Variants in UNC13C observed in about 807,000 individuals in gnomAD.
UNC13C encodes unc-13 homolog C.
UNC13C carries 174 observed loss-of-function variants against 245.4 expected under a neutral mutation model. The ratio of observed to expected loss-of-function variants is 0.71; its 90% CI spans 0.63 to 0.80. The LOEUF (loss-of-function observed/expected upper bound fraction) is 0.80, where lower values mean the gene tolerates loss of function less well. UNC13C is among the 30% of genes least tolerant of loss of function. The pLI, the probability that UNC13C is intolerant of heterozygous loss-of-function variation, is 0.00. For missense variants in UNC13C, 2,829 were observed against 2,602.9 expected (o/e 1.09, Z -1.89); for synonymous variants, 992 against 895.1 (o/e 1.11, Z -1.93).
chr15:54,372,774 C>A (rs955321466), intron 17 of UNC13C, among the ~76,000 whole-genome samples: 1 of 152,174 alleles, frequency 6.6e-6, no homozygotes, highest in Non-Finnish European at 1.5e-5. Context: ...CCTAAGAATG[C>A]TCTAAAGCAG....
At chr15:54,365,618 T>C (rs1031335060) in intron 17 of UNC13C, among the ~76,000 whole-genome samples, 1 of 152,136 alleles carries the variant, frequency 6.6e-6, no homozygotes, top group Non-Finnish European at 1.5e-5. Flanking sequence ...AAGACCATGT[T>C]GATTTATGAT....
intron 9 of UNC13C, among the ~76,000 whole-genome samples, chr15:54,264,968 A>G (rs1320793965): frequency 6.6e-6 from 1 of 152,004 alleles, no homozygotes; most frequent in African/African-American, 2.4e-5. Context: ...GAGTTGATCA[A>G]TATTGACGGC....
chr15:54,598,400 G>T (rs756407764), intron 30 of UNC13C, among the ~76,000 whole-genome samples: 2 of 152,122 alleles, frequency 1.3e-5, no homozygotes, highest in African/African-American at 2.4e-5. Context: ...CAGCCTGAAG[G>T]TCCTTTTTTT....
intron 2 of UNC13C, among the ~76,000 whole-genome samples, chr15:54,124,092 T>C (rs1322344565): frequency 1.3e-5 from 2 of 152,214 alleles, no homozygotes; most frequent in African/African-American, 4.8e-5. Flanking sequence ...TGTTTAACTA[T>C]TGATCTGTTA....
chr15:54,433,816 AT>A (rs2040922710), intron 19 of UNC13C, among the ~76,000 whole-genome samples: 2 of 152,222 alleles, frequency 1.3e-5, no homozygotes, highest in East Asian at 3.9e-4. Flanking sequence ...AGATGACATG[AT>A]TGTATATTTA....
rs771538861 is a variant in UNC13C at position 54,118,109 on chromosome 15, GA to G, written c.2984-24899del. Among the ~76,000 whole-genome samples, 1,306 of 147,274 alleles carry G rather than the reference GA, an allele frequency of 8.9e-3. 22 individuals are homozygous for G. The highest frequency in any genetic ancestry group is 0.03 in the African/African-American group (1,229 of 40,384). On this transcript the variant is annotated intron_variant, in intron 2 of 32. Coordinates refer to ENST00000260323, the MANE Select transcript of UNC13C (RefSeq NM_001080534.3). ...TGCTTCAGCTTTTTCTTTATTTTCA[GA>G]AAAAAAAAAGATTGCTTTGGCCTTT...
intron 2 of UNC13C, chr15:54,048,717 G>T: frequency 3.5e-6 from 1 of 284,996 alleles, no homozygotes; most frequent in East Asian, 9.0e-5. Flanking sequence ...TTCCCATTTT[G>T]AACTGCCTCC....
At chr15:54,072,650 TA>T (rs1375464238) in intron 2 of UNC13C, among the ~76,000 whole-genome samples, 1 of 152,156 alleles carries the variant, frequency 6.6e-6, no homozygotes, top group Non-Finnish European at 1.5e-5. Flanking sequence ...CAGTATAAGG[TA>T]GGCAGAGATA....
At chr15:54,301,869 G>C (rs564288269) in intron 13 of UNC13C, among the ~76,000 whole-genome samples, 1 of 152,146 alleles carries the variant, frequency 6.6e-6, no homozygotes, top group African/African-American at 2.4e-5. Context: ...ACCACACTGT[G>C]TTCCACAATG....
the UNC13C span, among the ~76,000 whole-genome samples, chr15:53,920,893 T>G: frequency 6.6e-6 from 1 of 150,828 alleles, no homozygotes; most frequent in East Asian, 1.9e-4. Context: ...AAATAAATAA[T>G]AAATCACACT....
chr15:53,919,970 T>A, the UNC13C span, among the ~76,000 whole-genome samples: 1 of 152,196 alleles, frequency 6.6e-6, no homozygotes, highest in African/African-American at 2.4e-5. Flanking sequence ...CCATGTTTTT[T>A]TTTTCCAATC....
chr15:54,060,655 A>C (rs960257646), intron 2 of UNC13C, among the ~76,000 whole-genome samples: 1 of 151,926 alleles, frequency 6.6e-6, no homozygotes, highest in African/African-American at 2.4e-5. Context: ...GCTGCTATAA[A>C]GACACATGCA....
intron 7 of UNC13C, among the ~76,000 whole-genome samples, chr15:54,242,429 C>T (rs1290673611): frequency 6.6e-6 from 1 of 152,056 alleles, no homozygotes; most frequent in African/African-American, 2.4e-5. Flanking sequence ...TTAATACCAT[C>T]AAATTGTTTA....
chr15:53,918,182 G>A, the UNC13C span, among the ~76,000 whole-genome samples: 1 of 152,080 alleles, frequency 6.6e-6, no homozygotes, highest in African/African-American at 2.4e-5. Flanking sequence ...TTTTGTTTTC[G>A]CTTTTGAAAG....
At chr15:54,179,721 A>G (rs2033734708) in intron 4 of UNC13C, among the ~76,000 whole-genome samples, 1 of 152,102 alleles carries the variant, frequency 6.6e-6, no homozygotes, top group Admixed American at 6.6e-5. Context: ...AAACCAAATC[A>G]ATATTTAAAA....
intron 13 of UNC13C, among the ~76,000 whole-genome samples, chr15:54,308,996 A>G (rs555509494): frequency 5.7e-4 from 87 of 151,870 alleles, no homozygotes; most frequent in African/African-American, 2.0e-3. Flanking sequence ...TGACATACTG[A>G]TTTATTTTCT....
intron 4 of UNC13C, among the ~76,000 whole-genome samples, chr15:54,224,704 T>A (rs746082625): frequency 6.6e-6 from 1 of 152,112 alleles, no homozygotes; most frequent in Non-Finnish European, 1.5e-5. Flanking sequence ...TTTCTCAGAG[T>A]AGTTAGAATA....
At position 54,494,752 on chromosome 15, in the gene UNC13C, C is replaced by G. The variant is rs763286582; in HGVS notation, c.5060+18C>G. ...TACTCCTTGTAAGTAGTGATTTTAA[C>G]ACACACACCCTCAGATCTAAATTCA... On this transcript the variant is annotated intron_variant, in intron 20 of 32. Coordinates refer to ENST00000260323, the MANE Select transcript of UNC13C (RefSeq NM_001080534.3). The G allele has an allele frequency of 6.2e-7, 1 of 1,603,890 alleles. No homozygotes were observed. The highest frequency in any genetic ancestry group is 2.3e-5 in the East Asian group (1 of 44,372).
At chr15:54,356,391 T>C (rs759549144) in intron 17 of UNC13C, among the ~76,000 whole-genome samples, 1 of 152,162 alleles carries the variant, frequency 6.6e-6, no homozygotes, top group Non-Finnish European at 1.5e-5. Context: ...GTCCATATAC[T>C]GTTCTACCAA....
Sources: allele counts gnomAD v4.1 joint callset (sites outside exome capture counted in the v4.1 genomes callset), GRCh38; gene constraint gnomAD v4.1.1; transcripts MANE v1.5; gene names NCBI Gene and HGNC (gene_info 2026-07-23, HGNC 2026-07-21).